CYP27C1: variants seen among roughly 807,000 people sequenced by gnomAD.
CYP27C1 encodes the protein cytochrome P450 27C1.
Under a neutral mutation model 40.6 loss-of-function variants are expected in CYP27C1, and 29 were observed. The observed-to-expected ratio is 0.71, with a 90% CI of 0.53 to 0.97. The LOEUF (loss-of-function observed/expected upper bound fraction) is 0.97. Among genes scored for constraint, CYP27C1 ranks in the 50% least tolerant of loss-of-function variants. The probability of loss-of-function intolerance (pLI) is 0.00; values close to 1 mark genes in which losing one functional copy is unlikely to be tolerated. For missense variants in CYP27C1, 390 were observed against 485.8 expected, an observed-to-expected ratio of 0.80 and a Z score of 1.85; for synonymous variants, 198 against 186.8, an observed-to-expected ratio of 1.06 and a Z score of -0.49.
intron 2 of CYP27C1, 38 bp from the exon 3 acceptor site, chr2:127,203,609 C>T: frequency 1.3e-6 from 2 of 1,571,118 alleles, no homozygotes; most frequent in South Asian, 2.4e-5. Flanking sequence ...ATCTTACTTA[C>T]ACTGACATTC....
rs140860017 is a variant in CYP27C1 at position 127,203,449 on chromosome 2, T to C, written c.596A>G (p.Tyr199Cys). The change falls in exon 3 of 9, where the codon TAC becomes TGC. Residue 199 changes from tyrosine (Y) to cysteine (C), a missense_variant. Coordinates refer to ENST00000664447, the MANE Select transcript of CYP27C1 (RefSeq NM_001367502.1). ...QVIADLIKRI[Y>C]LLRSQAEDGE... ...ATCTTCTGCCTGGCTCCTGAGGAGG[T>C]AGATTCTTTTAATTAAGTCAGCAAT... The C allele has an allele frequency of 8.7e-6, 14 of 1,613,832 alleles. No homozygotes were observed. The African/African-American group carries it at 1.7e-4, about 20-fold the overall frequency.
At position 127,219,413 on chromosome 2, in the gene CYP27C1, C is replaced by G. The variant is rs1683503568; in HGVS notation, c.282+576G>C. Among the ~76,000 whole-genome samples, 2 of 151,882 alleles carry G rather than the reference C, an allele frequency of 1.3e-5. No homozygotes were observed. Among genetic ancestry groups the G allele is most frequent in the Non-Finnish European group, 2.9e-5 (2 of 67,948 alleles). ...TTCCTGGTTTCCCTTCGCGGCGCCC[C>G]CTCCCCAGGTTCCCCAACCAGGCAA... On this transcript the variant is annotated intron_variant, in intron 1 of 8. Transcript: ENST00000664447. This position sits in a 1 kb window ranked among gnomAD's most constrained non-coding sequence, Gnocchi z 8.7.
intron 2 of CYP27C1, among the ~76,000 whole-genome samples, chr2:127,204,614 A>AAAGAAAGAAAGAAAGAAAGG (rs1558931574): frequency 3.2e-4 from 33 of 104,208 alleles, no homozygotes; most frequent in African/African-American, 1.2e-3. Flanking sequence ...AGAAAGAAAG[A>AAAGAAAGAAAGAAAGAAAGG]AAGAAAGAAA....
intron 8 of CYP27C1, among the ~76,000 whole-genome samples, chr2:127,190,272 A>AAC (rs1328854789): frequency 6.6e-6 from 1 of 151,684 alleles, no homozygotes; most frequent in Non-Finnish European, 1.5e-5. Flanking sequence ...AAAAAAAAAT[A>AAC]AACTCCTGTC....
rs1573898699 is a variant in CYP27C1, at chr2:127,201,385, C to T, written c.674-54G>A. 6 of 1,555,076 alleles carry T rather than the reference C, an allele frequency of 3.9e-6. No individual in the cohort carries two copies. Among genetic ancestry groups the T allele is most frequent in the Non-Finnish European group, 4.4e-6 (5 of 1,138,648 alleles). On this transcript the variant is annotated intron_variant, in intron 3 of 8. Coordinates refer to ENST00000664447, the MANE Select transcript of CYP27C1 (RefSeq NM_001367502.1). The surrounding 1 kb of genome is among the most constrained non-coding windows in gnomAD (Gnocchi z 6.0). ...TCTTCTAGATTATTTACCATACCAA[C>T]AGGCAATGTTGGGCCATAAATGCAA...
At position 127,195,191 on chromosome 2, in the gene CYP27C1, T is replaced by C. The variant is rs1682874063; in HGVS notation, c.1214+144A>G. On this transcript the variant is annotated intron_variant, in intron 6 of 8. Coordinates refer to ENST00000664447, the MANE Select transcript of CYP27C1 (RefSeq NM_001367502.1). This position sits in a 1 kb window ranked among gnomAD's most constrained non-coding sequence, Gnocchi z 6.2. ...AAACAGAATGGTCTTTCTGCTATTCTGACAAGAGCAGAGAAAAAATAACAG... is the reference window on the plus strand; with the variant it reads ...AAACAGAATGGTCTTTCTGCTATTCCGACAAGAGCAGAGAAAAAATAACAG... 5.0e-6 allele frequency: 5 copies of C among 1,000,502 alleles called. No individual in the cohort carries two copies. The highest frequency in any genetic ancestry group is 1.6e-5 in the South Asian group (1 of 60,792). 62.0% of individuals were successfully genotyped at this position (1,000,502 alleles called of 1,614,324 possible). A position where few individuals can be genotyped will look rare whatever the true frequency, so the allele number is the denominator to read the frequency against.
chr2:127,202,944 G>A (rs757107587), intron 3 of CYP27C1, among the ~76,000 whole-genome samples: 2 of 152,008 alleles, frequency 1.3e-5, no homozygotes, highest in Non-Finnish European at 2.9e-5. Flanking sequence ...CAAGGCGGGC[G>A]AATCACGAGG....
chr2:127,195,298 G>C lies in CYP27C1; in HGVS notation c.1214+37C>G, dbSNP rs765051637. ...GTGATAGAGAACCAGGGACCTAAGG[G>C]ACACAGTTTGTTGACGGATTCTGGC... On this transcript the variant is annotated intron_variant, in intron 6 of 8. Coordinates refer to ENST00000664447, the MANE Select transcript of CYP27C1 (RefSeq NM_001367502.1). The surrounding 1 kb of genome is among the most constrained non-coding windows in gnomAD (Gnocchi z 6.2). 1 of 1,613,254 alleles carries C rather than the reference G, an allele frequency of 6.2e-7. No individual in the cohort carries two copies. Among genetic ancestry groups the C allele is most frequent in the Non-Finnish European group, 8.5e-7 (1 of 1,179,554 alleles).
chr2:127,204,555 G>GAGAAAGAA (rs1169099297), intron 2 of CYP27C1, among the ~76,000 whole-genome samples: 537 of 39,114 alleles, frequency 0.014, 30 homozygotes, highest in Non-Finnish European at 0.016. Flanking sequence ...GAGAGAGAGA[G>GAGAAAGAA]AGAAAGAAAG....
chr2:127,218,804 A>C lies in CYP27C1; in HGVS notation c.282+1185T>G, dbSNP rs1261865502. On this transcript the variant is annotated intron_variant, in intron 1 of 8. Transcript: ENST00000664447. This position sits in a 1 kb window ranked among gnomAD's most constrained non-coding sequence, Gnocchi z 6.0. ...AGACACCAAAAGCCCCCATACCAGA[A>C]ATAACAGTGCGTGCTGGGCCGGGCA... 6.6e-6 allele frequency among the ~76,000 whole-genome samples: 1 copy of C among 152,188 alleles called. No individual in the cohort carries two copies. The highest frequency in any genetic ancestry group is 1.5e-5 in the Non-Finnish European group (1 of 68,022).
intron 8 of CYP27C1, among the ~76,000 whole-genome samples, chr2:127,190,889 C>T (rs1225441445): frequency 2.8e-5 from 4 of 142,144 alleles, no homozygotes; most frequent in East Asian, 4.3e-4. Flanking sequence ...AGAGTTGCAG[C>T]GACCCGAGAT....
At chr2:127,216,457 C>T (rs1474999166) in intron 1 of CYP27C1, among the ~76,000 whole-genome samples, 1 of 152,020 alleles carries the variant, frequency 6.6e-6, no homozygotes, top group Non-Finnish European at 1.5e-5. Flanking sequence ...CATAAAAGAC[C>T]ACATATTACA....
At chr2:127,215,088 C>T (rs1683405906) in intron 1 of CYP27C1, among the ~76,000 whole-genome samples, 1 of 148,026 alleles carries the variant, frequency 6.8e-6, no homozygotes, top group Non-Finnish European at 1.5e-5. Context: ...GAGATCGCAC[C>T]ACCGCACTCA....
intron 1 of CYP27C1, among the ~76,000 whole-genome samples, chr2:127,215,577 A>C (rs1683416311): frequency 1.3e-5 from 2 of 152,174 alleles, no homozygotes; most frequent in Non-Finnish European, 2.9e-5. Flanking sequence ...CTATTAAGAA[A>C]GTGAAAACAA....
At chr2:127,197,662 C>A (rs908264755) in intron 5 of CYP27C1, among the ~76,000 whole-genome samples, 3 of 152,228 alleles carry the variant, frequency 2.0e-5, no homozygotes, top group Admixed American at 2.0e-4. Context: ...CCCCAGCCCG[C>A]AGCTTCCCCA....
At position 127,208,856 on chromosome 2, in the gene CYP27C1, C is replaced by T. The variant is rs966818856; in HGVS notation, c.283-2766G>A. ...GCTCGGGGACAGAACTCTGATCTCCCTGGGCCTGAGCCCTTGGGGAAGGGG... is the reference window on the plus strand; with the variant it reads ...GCTCGGGGACAGAACTCTGATCTCCTTGGGCCTGAGCCCTTGGGGAAGGGG... On this transcript the variant is annotated intron_variant, in intron 1 of 8. Coordinates refer to ENST00000664447, the MANE Select transcript of CYP27C1 (RefSeq NM_001367502.1). The surrounding 1 kb of genome is among the most constrained non-coding windows in gnomAD (Gnocchi z 5.2). 6.6e-6 allele frequency among the ~76,000 whole-genome samples: 1 copy of T among 152,174 alleles called. No individual in the cohort carries two copies. Among genetic ancestry groups the T allele is most frequent in the African/African-American group, 2.4e-5 (1 of 41,442 alleles).
chr2:127,189,175 C>G lies in CYP27C1; in HGVS notation c.1498-1788G>C, dbSNP rs898141855. 3.5e-3 allele frequency among the ~76,000 whole-genome samples: 530 copies of G among 151,212 alleles called. 4 individuals are homozygous for G. The highest frequency in any genetic ancestry group is 6.3e-3 in the Non-Finnish European group (424 of 67,810). ...CAAAAGACAAAAAACACTGCCCCCC[C>G]CCTCCGCCCCCCTACATCCAGTTTC... On this transcript the variant is annotated intron_variant, in intron 8 of 8. Transcript: ENST00000664447.
chr2:127,185,742 C>T lies in CYP27C1; in HGVS notation c.*1529G>A, dbSNP rs1212505072. On this transcript the variant is annotated 3_prime_UTR_variant, in exon 9 of 9. Coordinates refer to ENST00000664447, the MANE Select transcript of CYP27C1 (RefSeq NM_001367502.1). This position sits in a 1 kb window ranked among gnomAD's most constrained non-coding sequence, Gnocchi z 4.9. ...AGTGACTTACTAAATGGAAAAAAAA[C>T]TGTATGGTCTATATTAGTAAGAAAG... 6.6e-6 allele frequency: 1 copy of T among 152,040 alleles called. No individual in the cohort carries two copies. Among genetic ancestry groups the T allele is most frequent in the Admixed American group, 6.5e-5 (1 of 15,270 alleles). 9.4% of individuals were successfully genotyped at this position (152,040 alleles called of 1,614,324 possible).
In CYP27C1 at chr2:127,184,158, T is replaced by C. The variant is rs1682563802; in HGVS notation, c.*3113A>G. Reference sequence around the variant, plus strand: ...ATTATCACAACAAAAAAATTAACAGTAATTCCCAAATATCATCAAATACAC... The same window carrying C: ...ATTATCACAACAAAAAAATTAACAGCAATTCCCAAATATCATCAAATACAC... On this transcript the variant is annotated 3_prime_UTR_variant, in exon 9 of 9. Coordinates refer to ENST00000664447, the MANE Select transcript of CYP27C1 (RefSeq NM_001367502.1). 1 of 152,226 alleles carries C rather than the reference T, an allele frequency of 6.6e-6. No homozygotes were observed. The highest frequency in any genetic ancestry group is 1.5e-5 in the Non-Finnish European group (1 of 68,034). 9.4% of individuals were successfully genotyped at this position (152,226 alleles called of 1,614,324 possible). A position where few individuals can be genotyped will look rare whatever the true frequency, so the allele number is the denominator to read the frequency against.
Sources: allele counts gnomAD v4.1 joint callset (sites outside exome capture counted in the v4.1 genomes callset), GRCh38; gene constraint gnomAD v4.1.1; non-coding constraint Gnocchi (gnomAD v3.1); transcripts MANE v1.5; gene names NCBI Gene and HGNC (gene_info 2026-07-23, HGNC 2026-07-21).